The following PLEKHA2 variants were observed in gnomAD, a reference collection of about 807,000 sequenced individuals.
PLEKHA2 encodes pleckstrin homology domain containing A2, also known as pleckstrin homology domain-containing family A member 2.
PLEKHA2 carries 28 observed loss-of-function variants against 53.2 expected under a neutral mutation model. The observed-to-expected ratio is 0.53, with a 90% CI of 0.39 to 0.72. PLEKHA2 has a LOEUF of 0.72. Ranked by LOEUF, PLEKHA2 falls within the 30% of genes least tolerant of loss-of-function variation. The pLI, the probability that PLEKHA2 is intolerant of heterozygous loss-of-function variation, is 0.00. For missense variants in PLEKHA2, 426 were observed against 537.9 expected (o/e 0.79, Z 2.06); for synonymous variants, 193 against 196.4 (o/e 0.98, Z 0.14).
intron 2 of PLEKHA2, among the ~76,000 whole-genome samples, chr8:38,924,534 G>T (rs1185083224): frequency 1.3e-5 from 2 of 152,214 alleles, no homozygotes; most frequent in Admixed American, 6.5e-5. Flanking sequence ...GCGCTGGGGT[G>T]AGTCATGCCT....
At position 38,951,018 on chromosome 8, in the gene PLEKHA2, G is replaced by T. The variant is rs763306655; in HGVS notation, c.486+28G>T. The T allele has an allele frequency of 1.5e-5, 24 of 1,606,474 alleles. No individual in the cohort carries two copies. In the South Asian group the frequency reaches 2.6e-4, roughly 17 times the overall value. On this transcript the variant is annotated intron_variant, in intron 6 of 11. Coordinates refer to ENST00000617275, the MANE Select transcript of PLEKHA2 (RefSeq NM_021623.2). ...GAGGGGCCTGACTGGGGCTGCGGGG[G>T]GAGTGGGGGTGTGGAAGTGTCCATG...
intron 1 of PLEKHA2, among the ~76,000 whole-genome samples, chr8:38,915,207 A>C (rs1834037147): frequency 6.6e-6 from 1 of 152,194 alleles, no homozygotes; most frequent in East Asian, 1.9e-4. Context: ...CAGTCCCCCA[A>C]AGTGCTGGGA....
chr8:38,933,466 G>A (rs192484062), intron 2 of PLEKHA2, among the ~76,000 whole-genome samples: 123 of 152,266 alleles, frequency 8.1e-4, no homozygotes, highest in African/African-American at 2.8e-3. Flanking sequence ...CTTTGGTTTA[G>A]GCTCTGCCAC....
chr8:38,947,053 G>A (rs990134414), intron 5 of PLEKHA2, among the ~76,000 whole-genome samples: 2 of 152,168 alleles, frequency 1.3e-5, no homozygotes, highest in East Asian at 1.9e-4. Flanking sequence ...ATTTGTACAC[G>A]TATATAGTAT....
intron 3 of PLEKHA2, among the ~76,000 whole-genome samples, chr8:38,936,654 C>T (rs988201445): frequency 6.6e-6 from 1 of 152,228 alleles, no homozygotes; most frequent in Admixed American, 6.5e-5. Context: ...CCGGAGCAGG[C>T]CCTCTCTTGT....
At chr8:38,909,529 T>C (rs1833925286) in intron 1 of PLEKHA2, among the ~76,000 whole-genome samples, 1 of 152,214 alleles carries the variant, frequency 6.6e-6, no homozygotes, top group Admixed American at 6.5e-5. Flanking sequence ...CAGCTGTCTC[T>C]TGTATATTAT....
At chr8:38,965,287 G>T (rs564603728) in intron 10 of PLEKHA2, among the ~76,000 whole-genome samples, 11 of 152,280 alleles carry the variant, frequency 7.2e-5, no homozygotes, top group African/African-American at 2.6e-4. Context: ...AGGAGTTTGT[G>T]GGGAGGCAGT....
intron 4 of PLEKHA2, 83 bp downstream of exon 4, chr8:38,943,920 A>G (rs1371413711): frequency 8.5e-7 from 1 of 1,169,634 alleles, no homozygotes; most frequent in African/African-American, 1.6e-5. Context: ...CTGTGATCAC[A>G]TGTGACTATA....
At chr8:38,930,876 G>A (rs1383744992) in intron 2 of PLEKHA2, among the ~76,000 whole-genome samples, 2 of 152,226 alleles carry the variant, frequency 1.3e-5, no homozygotes, top group Non-Finnish European at 2.9e-5. Flanking sequence ...CTCCAACCTG[G>A]AAGCACATGG....
chr8:38,935,969 A>G, intron 2 of PLEKHA2, 25 bp from the exon 3 acceptor site: 1 of 1,611,630 alleles, frequency 6.2e-7, no homozygotes, highest in Non-Finnish European at 8.5e-7. Flanking sequence ...CAGCCTTCTT[A>G]AAATGAAAAC....
rs563999912 is a variant in PLEKHA2 at position 38,913,761 on chromosome 8, G to A, written c.-23-4146G>A. ...ATATGCTCCCCCGCCCCCAGCCAGC[G>A]CCAGACCACTCCCCTTGCTGCCTTT... On this transcript the variant is annotated intron_variant, in intron 1 of 11. Transcript: ENST00000617275. Among the ~76,000 whole-genome samples the A allele has an allele frequency of 8.7e-4, 133 of 152,278 alleles. 1 individual carries two copies. The highest frequency in any genetic ancestry group is 3.0e-3 in the African/African-American group (124 of 41,562).
At chr8:38,901,595 C>T (rs1410239960) in intron 1 of PLEKHA2, 150 bp downstream of exon 1, 7 of 152,236 alleles carry the variant, frequency 4.6e-5, no homozygotes, top group Admixed American at 2.6e-4. Flanking sequence ...ATACGCCGGT[C>T]CTAGTGGCTG....
At chr8:38,908,581 A>G (rs750850013) in intron 1 of PLEKHA2, among the ~76,000 whole-genome samples, 2 of 152,228 alleles carry the variant, frequency 1.3e-5, no homozygotes, top group Non-Finnish European at 2.9e-5. Flanking sequence ...AAGATTTGGA[A>G]AAATATGTAC....
At chr8:38,956,667 G>A (rs552406281) in intron 9 of PLEKHA2, among the ~76,000 whole-genome samples, 130 of 152,192 alleles carry the variant, frequency 8.5e-4, no homozygotes, top group African/African-American at 2.9e-3. Flanking sequence ...AGGAGTGGTG[G>A]CATGTGCCTG....
chr8:38,903,472 C>A (rs773286283), intron 1 of PLEKHA2, among the ~76,000 whole-genome samples: 1 of 152,138 alleles, frequency 6.6e-6, no homozygotes, highest in Non-Finnish European at 1.5e-5. Flanking sequence ...GTGAGCTGAA[C>A]CATATTCAGC....
Position 38,969,988 on chromosome 8 carries a change from G to A in PLEKHA2, c.*205G>A, listed in dbSNP as rs1424100776. ...GTGTGTGTGTGTGTGTAATATCAAC[G>A]CAGTGTATTTAATTTGGGGAAGTCA... is the stretch of plus-strand genomic sequence containing the variant. On this transcript the variant is annotated 3_prime_UTR_variant, in exon 12 of 12. Coordinates refer to ENST00000617275, the MANE Select transcript of PLEKHA2 (RefSeq NM_021623.2). 1.4e-5 allele frequency: 9 copies of A among 664,570 alleles called. No homozygotes were observed. Among genetic ancestry groups the A allele is most frequent in the African/African-American group, 2.0e-5 (1 of 49,388 alleles). The allele number at this position is 664,570 out of a possible 1,614,324, so 41.2% of individuals were successfully genotyped here. A position where few individuals can be genotyped will look rare whatever the true frequency, so the allele number is the denominator to read the frequency against.
chr8:38,906,456 T>C (rs924752882), intron 1 of PLEKHA2, among the ~76,000 whole-genome samples: 1 of 152,284 alleles, frequency 6.6e-6, no homozygotes, highest in Non-Finnish European at 1.5e-5. Context: ...TATCTCTTGC[T>C]CTCTACTCCA....
Position 38,952,344 on chromosome 8 carries a change from T to A in PLEKHA2, c.633+32T>A, listed in dbSNP as rs375718252. ...GTCAGCACAGGGGCTGAATTGGGGT[T>A]CTGGTGACTCCTCAGAGCCAGTGGC... On this transcript the variant is annotated intron_variant, in intron 7 of 11. Coordinates refer to ENST00000617275, the MANE Select transcript of PLEKHA2 (RefSeq NM_021623.2). 117 of 1,605,472 alleles carry A rather than the reference T, an allele frequency of 7.3e-5. No homozygotes were observed. In the African/African-American group the frequency reaches 1.4e-3, roughly 19 times the overall value.
intron 2 of PLEKHA2, among the ~76,000 whole-genome samples, chr8:38,918,526 GCACACACACCCCATATACACACACCAC>G (rs2152368002): frequency 8.4e-5 from 1 of 11,910 alleles, no homozygotes; most frequent in Non-Finnish European, 1.7e-4. Context: ...ATACACACAT[GCACACACACCCCATATACACACACCAC>G]ACACACATTA....
Sources: allele counts gnomAD v4.1 joint callset (sites outside exome capture counted in the v4.1 genomes callset), GRCh38; gene constraint gnomAD v4.1.1; transcripts MANE v1.5; gene names NCBI Gene and HGNC (gene_info 2026-07-23, HGNC 2026-07-21).